DGKB: variants seen among roughly 807,000 people sequenced by gnomAD.
DGKB encodes the protein diacylglycerol kinase beta, also known as 90 kDa diacylglycerol kinase.
A neutral mutation model predicts 114.3 loss-of-function variants in DGKB; 67 were observed. That is an observed-to-expected ratio of 0.59 (90% confidence interval 0.48 to 0.72). The LOEUF is 0.72. DGKB is among the 30% of genes least tolerant of loss of function. The pLI, the probability that DGKB is intolerant of heterozygous loss-of-function variation, is 0.00. For missense variants in DGKB, 907 were observed against 975.2 expected (o/e 0.93, Z 0.93); for synonymous variants, 398 against 323.1 (o/e 1.23, Z -2.49).
chr7:14,466,843 C>T (rs1025183713), intron 21 of DGKB, among the ~76,000 whole-genome samples: 2 of 152,064 alleles, frequency 1.3e-5, no homozygotes, highest in East Asian at 1.9e-4. Flanking sequence ...ACATTAATAA[C>T]GATGGCGTTT....
chr7:14,752,126 A>G (rs538999683), intron 4 of DGKB, among the ~76,000 whole-genome samples: 154 of 152,288 alleles, frequency 1.0e-3, no homozygotes, highest in Non-Finnish European at 1.6e-3. Flanking sequence ...TCCTCAGACC[A>G]TATTTTCTCT....
intron 13 of DGKB, among the ~76,000 whole-genome samples, chr7:14,633,197 A>G (rs10250024): frequency 0.027 from 4,145 of 151,990 alleles, 183 homozygotes; most frequent in African/African-American, 0.095. Context: ...GAGGTGGTAC[A>G]ATGAAAAAGG....
intron 1 of DGKB, among the ~76,000 whole-genome samples, chr7:14,901,782 G>A (rs1036516901): frequency 6.6e-6 from 1 of 152,074 alleles, no homozygotes; most frequent in Non-Finnish European, 1.5e-5. Flanking sequence ...ACAATGGACT[G>A]GTCCTTGCTG....
At chr7:14,313,358 G>A (rs1189703062) in intron 23 of DGKB, among the ~76,000 whole-genome samples, 2 of 152,006 alleles carry the variant, frequency 1.3e-5, no homozygotes, top group African/African-American at 2.4e-5. Context: ...TCCATCTGAG[G>A]TACCGGGTTC....
intron 1 of DGKB, among the ~76,000 whole-genome samples, chr7:14,967,670 A>G (rs953834071): frequency 2.0e-5 from 3 of 151,430 alleles, no homozygotes; most frequent in Non-Finnish European, 4.4e-5. Flanking sequence ...AAAAAAAAAA[A>G]AAAAAGTCTT....
intron 21 of DGKB, among the ~76,000 whole-genome samples, chr7:14,415,841 G>A (rs1022210720): frequency 1.3e-4 from 20 of 152,200 alleles, no homozygotes; most frequent in Admixed American, 1.1e-3. Context: ...CTGAGGAATC[G>A]CCACACTGAC....
In DGKB at chr7:14,478,165, T is replaced by G; in HGVS notation, c.1831A>C (p.Ser611Arg). 1 of 1,598,530 alleles carries G rather than the reference T, an allele frequency of 6.3e-7. No individual in the cohort carries two copies. The highest frequency in any genetic ancestry group is 8.5e-7 in the Non-Finnish European group (1 of 1,169,778). ...TCATCTCTTTTGTCACCTTACCTAC[T>G]GTTGAATTTCTCTGGGTGTTTTTCT... Reference protein sequence around the residue: ...MREKHPEKFNSRMKNKFWYFE... With the variant: ...MREKHPEKFNRRMKNKFWYFE... The change falls in exon 21 of 26, where the codon AGT (serine) becomes CGT (arginine). Residue 611 changes from serine to arginine, a missense_variant. Transcript: ENST00000402815.
At chr7:14,222,045 C>T (rs1052015914) in intron 23 of DGKB, among the ~76,000 whole-genome samples, 1 of 150,912 alleles carries the variant, frequency 6.6e-6, no homozygotes, top group Non-Finnish European at 1.5e-5. Context: ...TTCTCTTTTT[C>T]TTGGTCAATC....
At chr7:14,530,651 C>T (rs953439603) in intron 20 of DGKB, among the ~76,000 whole-genome samples, 5 of 151,408 alleles carry the variant, frequency 3.3e-5, no homozygotes, top group African/African-American at 1.2e-4. Flanking sequence ...ATATCGAATT[C>T]CTGAGGAGAT....
rs542421659 is a variant in DGKB at position 14,466,597 on chromosome 7, T to C, written c.1835+11564A>G. Among the ~76,000 whole-genome samples the C allele has an allele frequency of 2.6e-5, 4 of 151,228 alleles. No homozygotes were observed. In the East Asian group the frequency reaches 7.8e-4, roughly 30 times the overall value. ...GGGTTTCTTGTTTACTACTGTATCC[T>C]CAGTGTTCCATAAATACATTCAATA... On this transcript the variant is annotated intron_variant, in intron 21 of 25. Transcript: ENST00000402815.
chr7:14,202,629 A>C (rs574541017), intron 23 of DGKB, among the ~76,000 whole-genome samples: 8 of 151,970 alleles, frequency 5.3e-5, no homozygotes, highest in Non-Finnish European at 8.8e-5. Context: ...GTAACAATAT[A>C]AAAAAATATT....
At chr7:14,943,787 A>C (rs1229576781) in intron 1 of DGKB, among the ~76,000 whole-genome samples, 1 of 152,068 alleles carries the variant, frequency 6.6e-6, no homozygotes, top group East Asian at 1.9e-4. Flanking sequence ...TTATATTAAA[A>C]ATAAAATGGA....
At chr7:14,916,348 T>C (rs1208599770) in intron 1 of DGKB, among the ~76,000 whole-genome samples, 2 of 152,006 alleles carry the variant, frequency 1.3e-5, no homozygotes, top group East Asian at 3.9e-4. Context: ...CCAATCCCAT[T>C]ATATAAATAG....
At position 14,590,378 on chromosome 7, in the gene DGKB, C is replaced by T. The variant is rs533809631; in HGVS notation, c.1434-7241G>A. ...CGGCAGTAGCTGCAACATTTCCCAC[C>T]GAGCTAACTGTTTCTGGTGAAAGCC... On this transcript the variant is annotated intron_variant, in intron 17 of 25. Coordinates refer to ENST00000402815, the MANE Select transcript of DGKB (RefSeq NM_001350709.2). Among the ~76,000 whole-genome samples the T allele has an allele frequency of 2.0e-3, 297 of 152,204 alleles. 1 individual carries two copies. Among genetic ancestry groups the T allele is most frequent in the African/African-American group, 7.0e-3 (289 of 41,528 alleles).
intron 13 of DGKB, among the ~76,000 whole-genome samples, chr7:14,637,125 T>C (rs879861932): frequency 6.6e-6 from 1 of 151,956 alleles, no homozygotes; most frequent in Non-Finnish European, 1.5e-5. Flanking sequence ...TGTATAGTTA[T>C]ATTCAATAAA....
intron 20 of DGKB, among the ~76,000 whole-genome samples, chr7:14,541,176 C>A (rs1484543747): frequency 6.6e-6 from 1 of 151,662 alleles, no homozygotes; most frequent in African/African-American, 2.4e-5. Flanking sequence ...GGGATTCCTT[C>A]ACTAGTGGGA....
chr7:14,665,132 T>A (rs1048042538), intron 13 of DGKB, among the ~76,000 whole-genome samples: 1 of 152,058 alleles, frequency 6.6e-6, no homozygotes, highest in South Asian at 2.1e-4. Flanking sequence ...TTTATCAATA[T>A]AAAATATTGA....
intron 20 of DGKB, among the ~76,000 whole-genome samples, chr7:14,515,696 C>T (rs1360299196): frequency 6.6e-6 from 1 of 152,162 alleles, no homozygotes; most frequent in Non-Finnish European, 1.5e-5. Context: ...CTGTCTTTGT[C>T]ATCTAGAAAT....
At chr7:14,652,190 A>G (rs1371131387) in intron 13 of DGKB, among the ~76,000 whole-genome samples, 1 of 150,380 alleles carries the variant, frequency 6.6e-6, no homozygotes, top group Non-Finnish European at 1.5e-5. Flanking sequence ...CCACATCACC[A>G]AGTCAATCCT....
Sources: allele counts gnomAD v4.1 joint callset (sites outside exome capture counted in the v4.1 genomes callset), GRCh38; gene constraint gnomAD v4.1.1; transcripts MANE v1.5; gene names NCBI Gene and HGNC (gene_info 2026-07-23, HGNC 2026-07-21).